The following GLDC variants were observed in gnomAD, a reference collection of about 807,000 sequenced individuals.
GLDC encodes the protein glycine decarboxylase.
A neutral mutation model predicts 121.3 loss-of-function variants in GLDC; 104 were observed. The observed-to-expected ratio is 0.86, with a 90% CI of 0.73 to 1.01. The LOEUF is 1.01. Ranked by LOEUF, GLDC falls within the 50% of genes least tolerant of loss-of-function variation. The pLI is 0.00. For synonymous variants in GLDC, 546 were observed against 480.6 expected, an observed-to-expected ratio of 1.14 and a Z score of -1.78; for missense variants, 1,429 against 1,306.6, an observed-to-expected ratio of 1.09 and a Z score of -1.44.
chr9:6,566,273 T>C (rs1026453466), intron 15 of GLDC, among the ~76,000 whole-genome samples: 10 of 152,176 alleles, frequency 6.6e-5, no homozygotes, highest in Admixed American at 6.5e-4. Context: ...CAAACACAAT[T>C]GTCACACCTA....
At chr9:6,618,877 C>T (rs957853428) in intron 3 of GLDC, among the ~76,000 whole-genome samples, 1 of 151,942 alleles carries the variant, frequency 6.6e-6, no homozygotes, top group Non-Finnish European at 1.5e-5. Flanking sequence ...GGCGCGGTGG[C>T]TCACGCCTGT....
At chr9:6,585,628 G>C (rs1373319490) in intron 15 of GLDC, among the ~76,000 whole-genome samples, 2 of 152,196 alleles carry the variant, frequency 1.3e-5, no homozygotes. Context: ...TTACAAAACA[G>C]AAGGTAGGGC....
Position 6,565,438 on chromosome 9 carries a change from G to T in GLDC, c.1851-9C>A, listed in dbSNP as rs377751310. The T allele has an allele frequency of 6.2e-7, 1 of 1,608,754 alleles. No individual in the cohort carries two copies. Among genetic ancestry groups the T allele is most frequent in the African/African-American group, 1.3e-5 (1 of 74,844 alleles). On this transcript the variant is annotated splice_polypyrimidine_tract_variant and intron_variant, in intron 15 of 24. Transcript: ENST00000321612. ...ATTCTCCCTGGGCTCCGCTTGCAAA[G>T]ACAAGAAGAAAGGGATCACGGTTAG...
chr9:6,607,485 G>C (rs58816172), intron 4 of GLDC, among the ~76,000 whole-genome samples: 2 of 151,894 alleles, frequency 1.3e-5, no homozygotes, highest in Admixed American at 6.6e-5. Flanking sequence ...GGGAGGATGA[G>C]GCAGGAGAAT....
chr9:6,551,988 C>A (rs1334092273), intron 20 of GLDC, among the ~76,000 whole-genome samples: 1 of 152,102 alleles, frequency 6.6e-6, no homozygotes, highest in Non-Finnish European at 1.5e-5. Context: ...TGGAATGGGG[C>A]CTAGGCATGT....
chr9:6,536,318 A>T, intron 22 of GLDC, 82 bp from the exon 23 acceptor site: 1 of 1,142,360 alleles, frequency 8.8e-7, no homozygotes, highest in African/African-American at 1.5e-5. Flanking sequence ...ATCCCTTCTT[A>T]TATTTTATCC....
chr9:6,631,202 C>T (rs572217501), intron 2 of GLDC, among the ~76,000 whole-genome samples: 3 of 152,312 alleles, frequency 2.0e-5, no homozygotes, highest in South Asian at 2.1e-4. Context: ...ATTAATACCA[C>T]GCCTCATTCA....
chr9:6,617,489 C>A (rs951190283), intron 3 of GLDC, among the ~76,000 whole-genome samples: 1 of 152,238 alleles, frequency 6.6e-6, no homozygotes. Flanking sequence ...GGAAGAGAAA[C>A]AGGCCATTTT....
At chr9:6,578,873 C>T (rs1003473808) in intron 15 of GLDC, among the ~76,000 whole-genome samples, 3 of 152,138 alleles carry the variant, frequency 2.0e-5, no homozygotes, top group African/African-American at 4.8e-5. Context: ...CCTCTTTGTT[C>T]CACTGGTTAT....
At chr9:6,637,814 A>G (rs1337761161) in intron 2 of GLDC, among the ~76,000 whole-genome samples, 5 of 151,998 alleles carry the variant, frequency 3.3e-5, no homozygotes, top group Admixed American at 1.3e-4. Flanking sequence ...AAGAAAGGAA[A>G]AACTGATCAT....
chr9:6,581,878 T>C (rs1281901681), intron 15 of GLDC, among the ~76,000 whole-genome samples: 3 of 152,116 alleles, frequency 2.0e-5, no homozygotes, highest in South Asian at 4.1e-4. Flanking sequence ...AGGAAATTCA[T>C]GGAATGATAG....
chr9:6,582,017 C>CATAGTGGCTGATCACCTGAGAT (rs1818179254), intron 15 of GLDC, among the ~76,000 whole-genome samples: 1 of 151,284 alleles, frequency 6.6e-6, no homozygotes, highest in Admixed American at 6.6e-5. Context: ...GAGTTTGAGA[C>CATAGTGGCTGATCACCTGAGAT]CAGCCTGGCC....
chr9:6,641,389 C>G (rs532195896), intron 2 of GLDC, among the ~76,000 whole-genome samples: 1 of 152,220 alleles, frequency 6.6e-6, no homozygotes, highest in Admixed American at 6.5e-5. Context: ...GATTCTAGTG[C>G]AACTGGGTTT....
At chr9:6,599,720 C>CAAAAAAAAAAAAAAA (rs549444099) in intron 8 of GLDC, among the ~76,000 whole-genome samples, 1 of 120,748 alleles carries the variant, frequency 8.3e-6, no homozygotes, top group African/African-American at 3.3e-5. Flanking sequence ...GACTCCATCT[C>CAAAAAAAAAAAAAAA]AAAAAAAAAA....
intron 15 of GLDC, among the ~76,000 whole-genome samples, chr9:6,586,558 G>A (rs913462350): frequency 2.6e-5 from 4 of 152,182 alleles, no homozygotes; most frequent in Non-Finnish European, 5.9e-5. Context: ...TCCTGGCCCT[G>A]CTAAACTGAG....
chr9:6,556,835 C>A (rs1274871307), intron 17 of GLDC, among the ~76,000 whole-genome samples: 1 of 151,994 alleles, frequency 6.6e-6, no homozygotes, highest in Non-Finnish European at 1.5e-5. Context: ...TAATAAGATC[C>A]TTTCAGGCTA....
At chr9:6,594,803 A>AAAAGAAAGAAAGAAAGAAAGAAAG (rs78626191) in intron 9 of GLDC, among the ~76,000 whole-genome samples, 29 of 150,026 alleles carry the variant, frequency 1.9e-4, no homozygotes, top group African/African-American at 6.1e-4. Flanking sequence ...AAAAGGAAAT[A>AAAAGAAAGAAAGAAAGAAAGAAAG]AAAGAAAGAA....
At position 6,615,176 on chromosome 9, in the gene GLDC, G is replaced by A. The variant is rs140294163; in HGVS notation, c.471-4820C>T. 3.3e-3 allele frequency among the ~76,000 whole-genome samples: 498 copies of A among 152,196 alleles called. 3 individuals are homozygous for A. The highest frequency in any genetic ancestry group is 5.5e-3 in the Admixed American group (84 of 15,270). On this transcript the variant is annotated intron_variant, in intron 3 of 24. Transcript: ENST00000321612. ...AATCAGACTAATGTACTGTCCAAAG[G>A]TTATTCAAGTGAATAATAGCAACTG...
intron 20 of GLDC, among the ~76,000 whole-genome samples, chr9:6,552,531 C>T (rs533146834): frequency 2.0e-5 from 3 of 152,142 alleles, no homozygotes; most frequent in African/African-American, 4.8e-5. Flanking sequence ...AGAAACTTTT[C>T]GTGAAGAATC....
Sources: allele counts gnomAD v4.1 joint callset (sites outside exome capture counted in the v4.1 genomes callset), GRCh38; gene constraint gnomAD v4.1.1; transcripts MANE v1.5; gene names NCBI Gene and HGNC (gene_info 2026-07-23, HGNC 2026-07-21).